DOCK4: variants seen among roughly 807,000 people sequenced by gnomAD.
DOCK4 encodes the protein dedicator of cytokinesis 4, also known as dedicator of cytokinesis protein 4.
A neutral mutation model predicts 268.1 loss-of-function variants in DOCK4; 97 were observed. The ratio of observed to expected loss-of-function variants is 0.36; its 90% CI spans 0.31 to 0.43. The LOEUF (loss-of-function observed/expected upper bound fraction) is 0.43. Among genes scored for constraint, DOCK4 ranks in the 20% least tolerant of loss-of-function variants. DOCK4 has a pLI of 1.00. For missense variants in DOCK4, 2,145 were observed against 2,455.7 expected (o/e 0.87, Z 2.67); for synonymous variants, 954 against 887.2 (o/e 1.08, Z -1.34).
intron 1 of DOCK4, among the ~76,000 whole-genome samples, chr7:112,013,771 C>T (rs1801565325): frequency 6.6e-6 from 1 of 152,150 alleles, no homozygotes; most frequent in Non-Finnish European, 1.5e-5. Context: ...GCCTGACATC[C>T]TCAAGGAAGG....
chr7:111,944,269 G>A (rs1795438049), intron 10 of DOCK4, among the ~76,000 whole-genome samples: 1 of 152,124 alleles, frequency 6.6e-6, no homozygotes. Context: ...AGTTAGACAG[G>A]CATATTTATT....
intron 8 of DOCK4, among the ~76,000 whole-genome samples, chr7:111,969,258 A>C (rs1463693586): frequency 1.3e-5 from 2 of 151,744 alleles, no homozygotes; most frequent in Non-Finnish European, 2.9e-5. Flanking sequence ...AATGACTGAA[A>C]AAAAAAAAGA....
chr7:112,135,409 A>C (rs1814231954), intron 1 of DOCK4, among the ~76,000 whole-genome samples: 1 of 135,318 alleles, frequency 7.4e-6, no homozygotes, highest in Non-Finnish European at 1.8e-5. Context: ...CACTGTAGGT[A>C]CTTGAGAAAA....
rs748959516 is a variant in DOCK4, at chr7:112,000,497, G to T, written c.159C>A (p.Ile53=). The change falls in exon 3 of 53, where the codon ATC becomes ATA. Residue 53 remains isoleucine (I), a synonymous_variant. Coordinates refer to ENST00000428084, the MANE Select transcript of DOCK4 (RefSeq NM_001363540.2). ...YRGFALKNPN[I]KGIFPSSYVH... ...AGTTAGAAATAACAATTTTTACCTT[G>T]ATATTTGGGTTTTTTAAGGCAAATC... 22 of 1,516,412 alleles carry T rather than the reference G, an allele frequency of 1.5e-5. No homozygotes were observed. The highest frequency in any genetic ancestry group is 5.4e-5 in the Admixed American group (3 of 55,744). The allele number at this position is 1,516,412 out of a possible 1,614,324, so 93.9% of individuals were successfully genotyped here.
chr7:111,751,281 G>A (rs929258487), intron 42 of DOCK4, among the ~76,000 whole-genome samples: 10 of 152,086 alleles, frequency 6.6e-5, no homozygotes, highest in African/African-American at 2.2e-4. Context: ...CACACATACG[G>A]AAACATTTCA....
chr7:111,815,167 T>C (rs1461471716), intron 27 of DOCK4, among the ~76,000 whole-genome samples: 1 of 152,242 alleles, frequency 6.6e-6, no homozygotes, highest in African/African-American at 2.4e-5. Flanking sequence ...CATGTGGGTC[T>C]ATTTAGTGCT....
chr7:112,013,941 T>C (rs1449394278), intron 1 of DOCK4, among the ~76,000 whole-genome samples: 9 of 152,204 alleles, frequency 5.9e-5, no homozygotes, highest in Non-Finnish European at 1.5e-5. Flanking sequence ...GGCTCCTTTA[T>C]GTTCCCAATA....
intron 30 of DOCK4, among the ~76,000 whole-genome samples, chr7:111,794,778 C>T (rs185313268): frequency 2.6e-5 from 4 of 152,256 alleles, no homozygotes; most frequent in South Asian, 2.1e-4. Flanking sequence ...GCAACTTGCC[C>T]GAAGTCACCC....
rs575242778 is a variant in DOCK4, at chr7:112,078,549, T to C, written c.38-74418A>G. ...AACTAGGCAGGATCACTGTGGAATA[T>C]CAAAGGAAGGTGATTTAAGAGTTTG... is the stretch of plus-strand genomic sequence containing the variant. On this transcript the variant is annotated intron_variant, in intron 1 of 52. Transcript: ENST00000428084. 4.6e-5 allele frequency among the ~76,000 whole-genome samples: 7 copies of C among 152,242 alleles called. No individual in the cohort carries two copies. The South Asian group carries it at 6.2e-4, about 14-fold the overall frequency.
chr7:111,734,915 G>C, intron 51 of DOCK4, 139 bp downstream of exon 51: 1 of 681,786 alleles, frequency 1.5e-6, no homozygotes. Flanking sequence ...GGAGACAATT[G>C]TCAAGGAATT....
At chr7:111,808,181 T>C (rs1800817460) in intron 30 of DOCK4, 1 of 152,232 alleles carries the variant, frequency 6.6e-6, no homozygotes, top group Non-Finnish European at 1.5e-5. Context: ...AAATAACTTA[T>C]AAATCTCTAG....
chr7:111,882,496 T>C lies in DOCK4; in HGVS notation c.1588-5310A>G, dbSNP rs140051472. On this transcript the variant is annotated intron_variant, in intron 16 of 52. Coordinates refer to ENST00000428084, the MANE Select transcript of DOCK4 (RefSeq NM_001363540.2). ...CTGATTATACATTTAAAAACCTGTA[T>C]TAACTTTATTCTTTCGAATTTGTTC... 6.6e-5 allele frequency among the ~76,000 whole-genome samples: 10 copies of C among 152,394 alleles called. No individual in the cohort carries two copies. The East Asian group carries it at 1.9e-3, about 29-fold the overall frequency.
intron 16 of DOCK4, among the ~76,000 whole-genome samples, chr7:111,890,133 T>C (rs992966446): frequency 3.9e-5 from 6 of 152,228 alleles, no homozygotes; most frequent in African/African-American, 1.4e-4. Flanking sequence ...GCCCCTCTTT[T>C]TGGATTCTCT....
At chr7:111,772,602 C>T (rs971879051) in intron 36 of DOCK4, among the ~76,000 whole-genome samples, 13 of 152,050 alleles carry the variant, frequency 8.5e-5, no homozygotes, top group African/African-American at 3.1e-4. Context: ...TCGAGACCAG[C>T]CTGGCTGACA....
chr7:112,046,757 A>G (rs1188374093), intron 1 of DOCK4, among the ~76,000 whole-genome samples: 9 of 152,196 alleles, frequency 5.9e-5, no homozygotes, highest in Admixed American at 6.5e-5. Context: ...GAGGGGCTAC[A>G]TATGATGTGA....
intron 1 of DOCK4, among the ~76,000 whole-genome samples, chr7:112,204,121 C>G (rs562462616): frequency 6.6e-6 from 1 of 152,192 alleles, no homozygotes; most frequent in Admixed American, 6.5e-5. Context: ...TCTGCTGCAG[C>G]CCAAAACATT....
At chr7:111,824,530 A>C (rs1269371323) in intron 26 of DOCK4, among the ~76,000 whole-genome samples, 1 of 152,068 alleles carries the variant, frequency 6.6e-6, no homozygotes, top group Admixed American at 6.6e-5. Context: ...AGAGAACTGG[A>C]AACTGGAGGC....
intron 13 of DOCK4, among the ~76,000 whole-genome samples, chr7:111,912,181 G>C (rs948730844): frequency 6.6e-6 from 1 of 152,168 alleles, no homozygotes; most frequent in Non-Finnish European, 1.5e-5. Flanking sequence ...GGGTCTCATA[G>C]CTATGCCAGG....
intron 8 of DOCK4, among the ~76,000 whole-genome samples, chr7:111,952,935 A>G (rs1312536361): frequency 1.3e-5 from 2 of 152,192 alleles, no homozygotes; most frequent in African/African-American, 4.8e-5. Context: ...CTTAAATTGA[A>G]CTATGCTAAT....
Sources: allele counts gnomAD v4.1 joint callset (sites outside exome capture counted in the v4.1 genomes callset), GRCh38; gene constraint gnomAD v4.1.1; transcripts MANE v1.5; gene names NCBI Gene and HGNC (gene_info 2026-07-23, HGNC 2026-07-21).